Variants in WASL observed in about 807,000 individuals in gnomAD.
WASL encodes WASP like actin nucleation promoting factor, also known as actin nucleation-promoting factor WASL.
Under a neutral mutation model 55.5 loss-of-function variants are expected in WASL, and 20 were observed. The observed-to-expected ratio is 0.36, with a 90% CI of 0.25 to 0.52. WASL has a LOEUF of 0.52. Among genes scored for constraint, WASL ranks in the 20% least tolerant of loss-of-function variants. The pLI is 0.92. For synonymous variants in WASL, 249 were observed against 217.6 expected (o/e 1.14, Z -1.27); for missense variants, 504 against 622.5 (o/e 0.81, Z 2.03).
At chr7:123,714,824 G>A (rs1803812370) in intron 1 of WASL, among the ~76,000 whole-genome samples, 1 of 152,148 alleles carries the variant, frequency 6.6e-6, no homozygotes, top group African/African-American at 2.4e-5. Context: ...CCTAACTAGT[G>A]TAGGAAGGCT....
intron 5 of WASL, among the ~76,000 whole-genome samples, chr7:123,702,139 T>G (rs145323285): frequency 4.8e-4 from 73 of 151,028 alleles, no homozygotes; most frequent in African/African-American, 1.8e-3. Flanking sequence ...ACTTGCAACC[T>G]CCGCCTTCTG....
intron 1 of WASL, among the ~76,000 whole-genome samples, chr7:123,712,816 C>T (rs1247684892): frequency 2.0e-5 from 3 of 152,150 alleles, no homozygotes; most frequent in Non-Finnish European, 4.4e-5. Context: ...TACCAACTTT[C>T]TTAAAAGTTC....
intron 5 of WASL, among the ~76,000 whole-genome samples, chr7:123,697,700 T>G (rs1270646325): frequency 3.3e-5 from 5 of 152,210 alleles, no homozygotes; most frequent in African/African-American, 9.6e-5. Context: ...CAGCACACTT[T>G]AGACTGCTCT....
chr7:123,700,178 A>T (rs1210719165), intron 5 of WASL, among the ~76,000 whole-genome samples: 2 of 19,100 alleles, frequency 1.0e-4, no homozygotes, highest in African/African-American at 3.9e-4. Context: ...TCCGTCTCAA[A>T]AAAAAAAAAA....
intron 1 of WASL, among the ~76,000 whole-genome samples, chr7:123,719,733 C>T (rs765023794): frequency 2.6e-5 from 4 of 152,222 alleles, no homozygotes; most frequent in Non-Finnish European, 4.4e-5. Flanking sequence ...CAGCTCCTCT[C>T]TTGCTGACCT....
intron 1 of WASL, among the ~76,000 whole-genome samples, chr7:123,713,787 C>T (rs907355023): frequency 6.6e-6 from 1 of 152,176 alleles, no homozygotes; most frequent in African/African-American, 2.4e-5. Flanking sequence ...TGTGTGGGTC[C>T]ACTTACATGC....
At chr7:123,713,359 C>T (rs1225775717) in intron 1 of WASL, among the ~76,000 whole-genome samples, 1 of 152,042 alleles carries the variant, frequency 6.6e-6, no homozygotes, top group Non-Finnish European at 1.5e-5. Context: ...AACTATGTTA[C>T]GCAGGCTGGT....
chr7:123,688,912 C>G lies in WASL; in HGVS notation c.1456+130G>C, dbSNP rs546528725. 1.0e-4 allele frequency: 86 copies of G among 830,370 alleles called. No individual in the cohort carries two copies. The South Asian group carries it at 1.2e-3, about 11-fold the overall frequency. 51.4% of individuals were successfully genotyped at this position (830,370 alleles called of 1,614,324 possible). ...ATCCTAGAGCCCACATCAGTAGTTA[C>G]TCAATTAGCAGAGAGAAAGCTAGCA... On this transcript the variant is annotated intron_variant, in intron 10 of 10. Coordinates refer to ENST00000223023, the MANE Select transcript of WASL (RefSeq NM_003941.4).
At chr7:123,743,477 C>T (rs1804381004) in intron 1 of WASL, among the ~76,000 whole-genome samples, 1 of 152,108 alleles carries the variant, frequency 6.6e-6, no homozygotes. Flanking sequence ...CTCAGGCTGC[C>T]CAGACACTCC....
rs758633112 is a variant in WASL at position 123,692,887 on chromosome 7, AAAG to A, written c.827-23_827-21del. The A allele has an allele frequency of 7.4e-7, 1 of 1,347,248 alleles. No homozygotes were observed. Among genetic ancestry groups the A allele is most frequent in the African/African-American group, 1.5e-5 (1 of 67,386 alleles). 83.5% of individuals were successfully genotyped at this position (1,347,248 alleles called of 1,614,324 possible). On this transcript the variant is annotated intron_variant, in intron 8 of 10. Transcript: ENST00000223023. ...GTGGTGCTGAAATGCAAACAGAAAA[AAAG>A]AAGGCATGCTTTTTTCTTCTCATAA...
In WASL at chr7:123,709,195, T is replaced by A. The variant is rs774632321; in HGVS notation, c.146A>T (p.Tyr49Phe). ...VTMSSAVVQL[Y>F]AADRNCMWSK... ...CCACATACAGTTCCGATCTGCTGCATATAACTGCACCACTGCTGAAGACAT... is the reference window on the plus strand; with the variant it reads ...CCACATACAGTTCCGATCTGCTGCAAATAACTGCACCACTGCTGAAGACAT... The change falls in exon 2 of 11, where the codon TAT becomes TTT. Residue 49 changes from tyrosine (Y) to phenylalanine (F), a missense_variant. This residue lies in a region of WASL where 230 missense variants were observed against 271.9 expected (regional missense o/e 0.85). Coordinates refer to ENST00000223023, the MANE Select transcript of WASL (RefSeq NM_003941.4). 6 of 1,611,574 alleles carry A rather than the reference T, an allele frequency of 3.7e-6. No individual in the cohort carries two copies. Among genetic ancestry groups the A allele is most frequent in the Non-Finnish European group, 5.1e-6 (6 of 1,178,632 alleles).
chr7:123,728,750 C>T (rs1015456090), intron 1 of WASL, among the ~76,000 whole-genome samples: 47 of 152,026 alleles, frequency 3.1e-4, no homozygotes, highest in Admixed American at 2.9e-3. Flanking sequence ...GCAGGAGAAT[C>T]GCTTGAACGT....
chr7:123,689,521 G>T (rs1383759257), intron 9 of WASL, among the ~76,000 whole-genome samples: 2 of 152,050 alleles, frequency 1.3e-5, no homozygotes, highest in Non-Finnish European at 2.9e-5. Context: ...ATAAACAGAG[G>T]TTAATACTTA....
At position 123,692,740 on chromosome 7, in the gene WASL, G is replaced by A; in HGVS notation, c.954C>T (p.Pro318=). The change falls in exon 9 of 11, where the codon CCC becomes CCT. Residue 318 remains proline, a synonymous_variant. Transcript: ENST00000223023. ...GAPPPPPSRA[P]TAAPPPPPPS... ...GAGGCGGTGGTGGAGGTGCAGCTGT[G>A]GGAGCTCTTGAAGGTGGTGGGGGAG... 1 of 1,509,688 alleles carries A rather than the reference G, an allele frequency of 6.6e-7. No individual in the cohort carries two copies. 93.5% of individuals were successfully genotyped at this position (1,509,688 alleles called of 1,614,324 possible). A position where few individuals can be genotyped will look rare whatever the true frequency, so the allele number is the denominator to read the frequency against.
chr7:123,689,075 T>C lies in WASL; in HGVS notation c.1423A>G (p.Met475Val). The C allele has an allele frequency of 1.2e-6, 2 of 1,613,178 alleles. No individual in the cohort carries two copies. Among genetic ancestry groups the C allele is most frequent in the Non-Finnish European group, 1.7e-6 (2 of 1,179,470 alleles). ...TGAATGGCTTTGCTCCTTTTCTGCATCACTTCCATTAATGCACCCACAATT... is the reference window on the plus strand; with the variant it reads ...TGAATGGCTTTGCTCCTTTTCTGCACCACTTCCATTAATGCACCCACAATT... ...SGIVGALMEV[M>V]QKRSKAIHSS... The change falls in exon 10 of 11, where the codon ATG becomes GTG. Residue 475 changes from methionine to valine, a missense_variant. Coordinates refer to ENST00000223023, the MANE Select transcript of WASL (RefSeq NM_003941.4).
intron 1 of WASL, among the ~76,000 whole-genome samples, chr7:123,740,971 T>C (rs946591818): frequency 6.6e-5 from 10 of 152,206 alleles, no homozygotes; most frequent in South Asian, 2.1e-4. Context: ...CCCATGTCTA[T>C]TGGGTTCTCT....
chr7:123,685,374 G>C, intron 10 of WASL, among the ~76,000 whole-genome samples: 1 of 151,758 alleles, frequency 6.6e-6, no homozygotes, highest in East Asian at 1.9e-4. Context: ...ACTCTCTCTA[G>C]TAAGATGGTC....
intron 1 of WASL, among the ~76,000 whole-genome samples, chr7:123,741,362 T>C (rs1056342425): frequency 1.1e-4 from 17 of 152,342 alleles, no homozygotes; most frequent in African/African-American, 4.1e-4. Flanking sequence ...ATGGTAAAAC[T>C]GGTTTCATTA....
chr7:123,688,942 C>G, intron 10 of WASL, 100 bp downstream of exon 10: 1 of 1,022,996 alleles, frequency 9.8e-7, no homozygotes, highest in Non-Finnish European at 1.5e-6. Flanking sequence ...CTAGCAAAGA[C>G]AGTCATAAAA....
Sources: allele counts gnomAD v4.1 joint callset (sites outside exome capture counted in the v4.1 genomes callset), GRCh38; gene constraint gnomAD v4.1.1; regional missense constraint gnomAD v4.1.1; transcripts MANE v1.5; gene names NCBI Gene and HGNC (gene_info 2026-07-23, HGNC 2026-07-21).